Variants in KCNAB1 observed in about 807,000 individuals in gnomAD.
The protein encoded by KCNAB1 is potassium voltage-gated channel subfamily A regulatory beta subunit 1, also known as voltage-gated potassium channel subunit beta-1.
KCNAB1 carries 35 observed loss-of-function variants against 64.6 expected under a neutral mutation model. The ratio of observed to expected loss-of-function variants is 0.54; its 90% CI spans 0.41 to 0.72. The LOEUF (loss-of-function observed/expected upper bound fraction) is 0.72, where lower values mean the gene tolerates loss of function less well. Among genes scored for constraint, KCNAB1 ranks in the 30% least tolerant of loss-of-function variants. The probability of loss-of-function intolerance (pLI) is 0.00; values close to 1 mark genes in which losing one functional copy is unlikely to be tolerated. For synonymous variants in KCNAB1, 177 were observed against 183.8 expected (o/e 0.96, Z 0.30); for missense variants, 401 against 512.9 (o/e 0.78, Z 2.11).
intron 1 of KCNAB1, among the ~76,000 whole-genome samples, chr3:156,339,845 G>A (rs1050590950): frequency 6.6e-6 from 1 of 152,152 alleles, no homozygotes; most frequent in Non-Finnish European, 1.5e-5. Context: ...TCCTCCCTCT[G>A]TATGAAGTCC....
intron 1 of KCNAB1, among the ~76,000 whole-genome samples, chr3:156,190,205 G>T (rs77313260): frequency 0.022 from 3,303 of 152,096 alleles, 102 homozygotes; most frequent in African/African-American, 0.063. Context: ...CTTTCCTTCC[G>T]CCTGCTCCCC....
At chr3:156,409,310 T>C (rs1714473801) in intron 1 of KCNAB1, among the ~76,000 whole-genome samples, 1 of 152,248 alleles carries the variant, frequency 6.6e-6, no homozygotes, top group African/African-American at 2.4e-5. Context: ...TTTAATTTTC[T>C]GGGATGGATT....
At chr3:156,226,229 G>A (rs115083552) in intron 1 of KCNAB1, among the ~76,000 whole-genome samples, 1 of 152,246 alleles carries the variant, frequency 6.6e-6, no homozygotes. Flanking sequence ...ACATAGACCA[G>A]TGGAACAGAA....
intron 1 of KCNAB1, among the ~76,000 whole-genome samples, chr3:156,293,362 G>A (rs1480870653): frequency 1.3e-5 from 2 of 152,170 alleles, no homozygotes; most frequent in East Asian, 1.9e-4. Flanking sequence ...ACTATCTCTT[G>A]TCTTTGTTAG....
intron 1 of KCNAB1, among the ~76,000 whole-genome samples, chr3:156,239,985 G>A (rs1465951487): frequency 6.6e-6 from 1 of 152,016 alleles, no homozygotes; most frequent in Non-Finnish European, 1.5e-5. Context: ...CATCATGTTA[G>A]GGAGATTAAA....
At chr3:156,292,060 G>C in intron 1 of KCNAB1, 1 of 1,614,138 alleles carries the variant, frequency 6.2e-7, no homozygotes. Context: ...GCAGCCTGGG[G>C]ACGTTCACGC....
chr3:156,182,629 T>TCCCCC (rs71138700), intron 1 of KCNAB1, among the ~76,000 whole-genome samples: 12 of 120,488 alleles, frequency 1.0e-4, no homozygotes, highest in Non-Finnish European at 1.5e-4. Flanking sequence ...GGTTTTTTTT[T>TCCCCC]CCCCCCCCCG....
intron 1 of KCNAB1, among the ~76,000 whole-genome samples, chr3:156,200,115 A>C (rs994203654): frequency 1.3e-5 from 2 of 151,960 alleles, no homozygotes; most frequent in Admixed American, 6.5e-5. Flanking sequence ...CTGGAGTTCC[A>C]CTCCAGACCC....
intron 8 of KCNAB1, among the ~76,000 whole-genome samples, chr3:156,482,187 A>G (rs954339465): frequency 6.6e-6 from 1 of 151,198 alleles, no homozygotes; most frequent in Non-Finnish European, 1.5e-5. Flanking sequence ...TTAATCATAA[A>G]TTTTCCAGGG....
intron 11 of KCNAB1, among the ~76,000 whole-genome samples, chr3:156,517,061 T>C (rs1717610012): frequency 6.6e-6 from 1 of 152,250 alleles, no homozygotes; most frequent in African/African-American, 2.4e-5. Context: ...CTTGAGAGAA[T>C]GTGTAATAAC....
At chr3:156,239,065 G>T (rs1252617613) in intron 1 of KCNAB1, among the ~76,000 whole-genome samples, 1 of 152,024 alleles carries the variant, frequency 6.6e-6, no homozygotes, top group Non-Finnish European at 1.5e-5. Context: ...CAGAAGTGTT[G>T]GTGTGAAAAA....
chr3:156,495,128 T>C (rs1029775527), intron 8 of KCNAB1, among the ~76,000 whole-genome samples: 8 of 152,102 alleles, frequency 5.3e-5, no homozygotes, highest in African/African-American at 1.9e-4. Context: ...TGGTATTTGG[T>C]TTTCTGTTTC....
intron 1 of KCNAB1, among the ~76,000 whole-genome samples, chr3:156,319,310 A>AAGTTTC (rs1722499539): frequency 6.6e-6 from 1 of 152,166 alleles, no homozygotes; most frequent in Non-Finnish European, 1.5e-5. Flanking sequence ...GTTTTTGCTC[A>AAGTTTC]CACTACATTT....
At chr3:156,478,797 A>G (rs1185339918) in intron 8 of KCNAB1, among the ~76,000 whole-genome samples, 1 of 152,180 alleles carries the variant, frequency 6.6e-6, no homozygotes, top group Non-Finnish European at 1.5e-5. Context: ...TAACTGCAGC[A>G]TCTTTATAAC....
At chr3:156,400,119 TA>T (rs1294399834) in intron 1 of KCNAB1, among the ~76,000 whole-genome samples, 1 of 151,888 alleles carries the variant, frequency 6.6e-6, no homozygotes, top group African/African-American at 2.4e-5. Context: ...CAACACTTCC[TA>T]GGGGGGAAAG....
chr3:156,395,341 C>T (rs562003723), intron 1 of KCNAB1, among the ~76,000 whole-genome samples: 45 of 149,048 alleles, frequency 3.0e-4, no homozygotes, highest in Admixed American at 5.3e-4. Flanking sequence ...GTCAGGAGAT[C>T]GAGACCATCC....
At chr3:156,118,248 G>A (rs1713167281), upstream of KCNAB1, 3 of 444,056 alleles carry the variant, frequency 6.8e-6, no homozygotes, top group Non-Finnish European at 4.5e-6. Context: ...AGTCATCTAA[G>A]GATACTGCTC....
chr3:156,187,547 C>T (rs964575019), intron 1 of KCNAB1, among the ~76,000 whole-genome samples: 6 of 152,222 alleles, frequency 3.9e-5, no homozygotes, highest in Non-Finnish European at 8.8e-5. Flanking sequence ...AAGTACACAA[C>T]CACTCAGATC....
intron 1 of KCNAB1, among the ~76,000 whole-genome samples, chr3:156,370,732 A>G (rs975567811): frequency 2.0e-5 from 3 of 152,300 alleles, no homozygotes; most frequent in East Asian, 3.9e-4. Flanking sequence ...GTTAAACTCA[A>G]TAGGGAAGGC....
Sources: gnomAD v4.1 joint callset for allele counts (sites outside exome capture counted in the v4.1 genomes callset) on GRCh38, gnomAD v4.1.1 for gene constraint, MANE v1.5 for transcripts, NCBI Gene and HGNC (gene_info 2026-07-23, HGNC 2026-07-21) for gene names.